DMGDH: variants seen among roughly 807,000 people sequenced by gnomAD.
DMGDH encodes dimethylglycine dehydrogenase, mitochondrial.
DMGDH carries 76 observed loss-of-function variants against 95.2 expected under a neutral mutation model. The ratio of observed to expected loss-of-function variants is 0.80; its 90% CI spans 0.66 to 0.97. DMGDH has a LOEUF of 0.97. DMGDH is among the 50% of genes least tolerant of loss of function. The pLI, the probability that DMGDH is intolerant of heterozygous loss-of-function variation, is 0.00. For missense variants in DMGDH, 987 were observed against 1,055.0 expected (o/e 0.94, Z 0.89); for synonymous variants, 345 against 377.6 (o/e 0.91, Z 1.00).
chr5:79,064,368 AAAAG>A, intron 1 of DMGDH, among the ~76,000 whole-genome samples: 1 of 152,014 alleles, frequency 6.6e-6, no homozygotes, highest in South Asian at 2.1e-4. Context: ...GAAAAAAAAA[AAAAG>A]ATTTAAAATT....
chr5:79,044,689 T>C, intron 5 of DMGDH, 137 bp from the exon 6 acceptor site: 1 of 1,032,728 alleles, frequency 9.7e-7, no homozygotes, highest in Non-Finnish European at 1.4e-6. Context: ...GTCATAACAA[T>C]CTAAACTTTT....
chr5:79,010,632 T>C lies in DMGDH; in HGVS notation c.2251-5225A>G, dbSNP rs1034157484. On this transcript the variant is annotated intron_variant, in intron 14 of 15. Coordinates refer to ENST00000255189, the MANE Select transcript of DMGDH (RefSeq NM_013391.3). The stretch of plus-strand genomic sequence containing the variant: ...TCCTTGAGCCCCCACTGTCCATACC[T>C]CTATCATAGCTTCTGTTTGTTTGCA... Among the ~76,000 whole-genome samples, 8 of 152,192 alleles carry C rather than the reference T, an allele frequency of 5.3e-5. No individual in the cohort carries two copies. The East Asian group carries it at 1.5e-3, about 29-fold the overall frequency.
intron 11 of DMGDH, among the ~76,000 whole-genome samples, chr5:79,029,327 G>A (rs939469741): frequency 1.1e-4 from 16 of 152,156 alleles, no homozygotes; most frequent in Admixed American, 6.5e-4. Flanking sequence ...AGTAAGACAT[G>A]TATTAAATAA....
chr5:79,000,114 TTTTG>T lies in DMGDH; in HGVS notation c.2386-1821_2386-1818del. On this transcript the variant is annotated intron_variant, in intron 15 of 15. Transcript: ENST00000255189. ...ACTCCATTACTCAGTGATGAACATT[TTTTG>T]TTTTTTTTCCAAAGCCTTAGATGAT... is the stretch of plus-strand genomic sequence containing the variant. The T allele has an allele frequency of 8.7e-6, 4 of 458,422 alleles. No homozygotes were observed. The East Asian group carries it at 2.2e-4, about 25-fold the overall frequency. The allele number at this position is 458,422 out of a possible 1,614,324, so 28.4% of individuals were successfully genotyped here.
chr5:79,065,715 T>G lies in DMGDH; in HGVS notation c.102-1928A>C, dbSNP rs76264337. On this transcript the variant is annotated intron_variant, in intron 1 of 15. Coordinates refer to ENST00000255189, the MANE Select transcript of DMGDH (RefSeq NM_013391.3). ...TCAAGCATTATGTACTGTATGTAAT[T>G]GCATGTGCTATAGCTTTATGTGACC... Among the ~76,000 whole-genome samples the G allele has an allele frequency of 9.8e-3, 1,488 of 152,334 alleles. 27 individuals are homozygous for G. Among genetic ancestry groups the G allele is most frequent in the African/African-American group, 0.033 (1,365 of 41,570 alleles).
chr5:79,000,065 G>T, intron 15 of DMGDH: 2 of 345,856 alleles, frequency 5.8e-6, no homozygotes, highest in Non-Finnish European at 1.1e-5. Context: ...ATAACTGCAA[G>T]TGGATACTCC....
At position 79,033,277 on chromosome 5, in the gene DMGDH, T is replaced by A. The variant is rs548082594; in HGVS notation, c.1325A>T (p.Glu442Val). 147 of 1,614,204 alleles carry A rather than the reference T, an allele frequency of 9.1e-5. No homozygotes were observed. The South Asian group carries it at 1.5e-3, about 17-fold the overall frequency. The change falls in exon 8 of 16, where the codon GAG (glutamate) becomes GTG (valine). Residue 442 changes from glutamate (E) to valine (V), a missense_variant. Coordinates refer to ENST00000255189, the MANE Select transcript of DMGDH (RefSeq NM_013391.3). ...TCCATATGATTCTCTTGCTTTGGCC[T>A]CAGTGTACTGGGTTGTTGTCCATTT... Reference protein sequence around the residue: ...YGKWTTTQYTEAKARESYGFN... With the variant: ...YGKWTTTQYTVAKARESYGFN...
intron 10 of DMGDH, 185 bp downstream of exon 10, chr5:79,030,647 CA>C (rs59687681): frequency 0.25 from 95,539 of 383,404 alleles, 2,098 homozygotes; most frequent in African/African-American, 0.29. Context: ...CTCTGTCTCT[CA>C]AAAAAAAAAA....
chr5:79,055,213 C>G (rs1241184949), intron 3 of DMGDH, among the ~76,000 whole-genome samples: 6 of 152,216 alleles, frequency 3.9e-5, no homozygotes, highest in Admixed American at 3.3e-4. Context: ...GTTGGGACAG[C>G]AGGCAGAGGT....
intron 1 of DMGDH, among the ~76,000 whole-genome samples, chr5:79,066,446 C>T (rs956450857): frequency 9.9e-5 from 15 of 151,438 alleles, no homozygotes; most frequent in South Asian, 4.2e-4. Context: ...CCACCACGCC[C>T]GGCTAATTTT....
chr5:79,044,750 A>G (rs1193437786), intron 5 of DMGDH, among the ~76,000 whole-genome samples, 198 bp from the exon 6 acceptor site: 1 of 152,216 alleles, frequency 6.6e-6, no homozygotes, highest in Non-Finnish European at 1.5e-5. Flanking sequence ...TGCATTACCC[A>G]GAGATTTGAA....
chr5:79,028,801 A>C, intron 11 of DMGDH, 151 bp from the exon 12 acceptor site: 1 of 853,088 alleles, frequency 1.2e-6, no homozygotes, highest in Non-Finnish European at 1.9e-6. Context: ...TTTAAAGTTG[A>C]GGAAACCAAG....
intron 14 of DMGDH, among the ~76,000 whole-genome samples, chr5:79,015,288 C>A (rs1753710115): frequency 6.6e-6 from 1 of 152,302 alleles, no homozygotes; most frequent in Non-Finnish European, 1.5e-5. Context: ...CTTCTCCATC[C>A]TATGGCCACT....
In DMGDH at chr5:79,042,473, T is replaced by C. The variant is rs1391053690; in HGVS notation, c.1003A>G (p.Lys335Glu). The C allele has an allele frequency of 1.9e-6, 3 of 1,614,160 alleles. No individual in the cohort carries two copies. Among genetic ancestry groups the C allele is most frequent in the South Asian group, 2.2e-5 (2 of 91,074 alleles). The change falls in exon 7 of 16, where the codon AAG becomes GAG. Residue 335 changes from lysine to glutamate, a missense_variant. Lys to Glu is a moderately conservative substitution (Grantham distance 56). Coordinates refer to ENST00000255189, the MANE Select transcript of DMGDH (RefSeq NM_013391.3). ...TCTAGATCAGACTCAAAGAGTTCCT[T>C]TCCAAAACCTAAAAAGATTTGCCCT... ...VTNGVPPGFGKELFESDLDRI... is the reference protein window; with the variant it reads ...VTNGVPPGFGEELFESDLDRI...
chr5:79,044,185 T>C, intron 6 of DMGDH, 119 bp downstream of exon 6: 1 of 1,434,828 alleles, frequency 7.0e-7, no homozygotes, highest in South Asian at 1.2e-5. Flanking sequence ...ACCTCCAATG[T>C]CCCAGGTATC....
intron 11 of DMGDH, among the ~76,000 whole-genome samples, chr5:79,029,275 T>A (rs981207269): frequency 6.6e-6 from 1 of 152,228 alleles, no homozygotes; most frequent in Non-Finnish European, 1.5e-5. Flanking sequence ...GATTGGAGCA[T>A]ATAATTTGCA....
chr5:79,019,279 G>A (rs1464758183), intron 14 of DMGDH, among the ~76,000 whole-genome samples: 3 of 152,078 alleles, frequency 2.0e-5, no homozygotes, highest in Non-Finnish European at 2.9e-5. Context: ...GGCAGAATAC[G>A]AACCTGTAGC....
At chr5:79,049,561 T>C (rs1754776024) in intron 5 of DMGDH, among the ~76,000 whole-genome samples, 1 of 152,190 alleles carries the variant, frequency 6.6e-6, no homozygotes, top group Non-Finnish European at 1.5e-5. Flanking sequence ...CAGTCAAATG[T>C]TTTTAGGGCC....
chr5:79,068,790 T>C (rs1217017497), intron 1 of DMGDH, among the ~76,000 whole-genome samples: 1 of 152,198 alleles, frequency 6.6e-6, no homozygotes, highest in Non-Finnish European at 1.5e-5. Context: ...AACAAGGACA[T>C]GCCATTTTTA....
Sources: allele counts gnomAD v4.1 joint callset (sites outside exome capture counted in the v4.1 genomes callset), GRCh38; gene constraint gnomAD v4.1.1; transcripts MANE v1.5; gene names NCBI Gene and HGNC (gene_info 2026-07-23, HGNC 2026-07-21).